The following CADPS2 variants were observed in gnomAD, a reference collection of about 807,000 sequenced individuals.
CADPS2 encodes calcium dependent secretion activator 2.
In CADPS2, 93 loss-of-function variants were observed where a neutral mutation model predicts 172.5. The ratio of observed to expected loss-of-function variants is 0.54; its 90% CI spans 0.46 to 0.64. CADPS2 has a LOEUF of 0.64. Ranked by LOEUF, CADPS2 falls within the 30% of genes least tolerant of loss-of-function variation. CADPS2 has a pLI of 0.00. For synonymous variants in CADPS2, 546 were observed against 555.2 expected, an observed-to-expected ratio of 0.98 and a Z score of 0.23; for missense variants, 1,420 against 1,565.9, an observed-to-expected ratio of 0.91 and a Z score of 1.57.
intron 15 of CADPS2, among the ~76,000 whole-genome samples, chr7:122,443,710 C>CAA (rs56137420): frequency 0.13 from 7,374 of 57,736 alleles, 700 homozygotes; most frequent in Non-Finnish European, 0.17. Flanking sequence ...CTGCTTTCTA[C>CAA]AAAAAAAAAA....
intron 27 of CADPS2, among the ~76,000 whole-genome samples, chr7:122,348,893 C>T (rs1474530214): frequency 6.6e-6 from 1 of 152,110 alleles, no homozygotes; most frequent in Non-Finnish European, 1.5e-5. Context: ...TTTCTACATA[C>T]AGTACAAATG....
At chr7:122,361,399 A>G (rs1468301855) in intron 25 of CADPS2, among the ~76,000 whole-genome samples, 1 of 151,724 alleles carries the variant, frequency 6.6e-6, no homozygotes, top group Non-Finnish European at 1.5e-5. Context: ...ACACCTGGCT[A>G]ATTTTTGTAT....
intron 8 of CADPS2, among the ~76,000 whole-genome samples, chr7:122,533,808 A>C (rs985891230): frequency 6.6e-6 from 1 of 152,174 alleles, no homozygotes; most frequent in African/African-American, 2.4e-5. Flanking sequence ...TTTGTTTTCA[A>C]GTATCTGCCT....
At chr7:122,567,676 A>G (rs2066643029) in intron 7 of CADPS2, among the ~76,000 whole-genome samples, 1 of 152,164 alleles carries the variant, frequency 6.6e-6, no homozygotes, top group African/African-American at 2.4e-5. Flanking sequence ...CATAACAATA[A>G]CTCAAATGAT....
At position 122,491,433 on chromosome 7, in the gene CADPS2, A is replaced by G. The variant is rs2058274376; in HGVS notation, c.1543-13T>C. 6.6e-7 allele frequency: 1 copy of G among 1,511,982 alleles called. No homozygotes were observed. Among genetic ancestry groups the G allele is most frequent in the African/African-American group, 1.4e-5 (1 of 71,956 alleles). 93.7% of individuals were successfully genotyped at this position (1,511,982 alleles called of 1,614,324 possible). Reference sequence around the variant, plus strand: ...TATATTGGCTAACCTGCTCGAGAAAAAAAAAGTTTACAGATTAGTCACATT... The same window carrying G: ...TATATTGGCTAACCTGCTCGAGAAAGAAAAAGTTTACAGATTAGTCACATT... On this transcript the variant is annotated splice_polypyrimidine_tract_variant and intron_variant, in intron 9 of 29. Coordinates refer to ENST00000449022, the MANE Select transcript of CADPS2 (RefSeq NM_017954.11).
intron 2 of CADPS2, among the ~76,000 whole-genome samples, chr7:122,668,032 G>C (rs1318141734): frequency 6.6e-6 from 1 of 152,088 alleles, no homozygotes; most frequent in African/African-American, 2.4e-5. Flanking sequence ...TTAGGTAATT[G>C]GTGGCAGCAC....
intron 2 of CADPS2, among the ~76,000 whole-genome samples, chr7:122,705,313 C>A (rs539488149): frequency 6.6e-4 from 100 of 150,642 alleles, no homozygotes; most frequent in African/African-American, 2.4e-3. Context: ...CCTTTTAGAT[C>A]ATTTATTCAA....
intron 1 of CADPS2, among the ~76,000 whole-genome samples, chr7:122,873,684 C>T (rs929063080): frequency 1.1e-4 from 17 of 151,920 alleles, no homozygotes; most frequent in African/African-American, 4.1e-4. Context: ...GGGTATATAC[C>T]CAATAATGAG....
chr7:122,464,923 G>T (rs2054938297), intron 14 of CADPS2, among the ~76,000 whole-genome samples: 1 of 152,132 alleles, frequency 6.6e-6, no homozygotes, highest in African/African-American at 2.4e-5. Flanking sequence ...TGATTTCTTA[G>T]TTTTGACAAA....
At chr7:122,867,818 C>G (rs750410496) in intron 1 of CADPS2, among the ~76,000 whole-genome samples, 2 of 152,152 alleles carry the variant, frequency 1.3e-5, no homozygotes, top group Non-Finnish European at 2.9e-5. Context: ...CCTCTGCCAA[C>G]AACAATGAAA....
chr7:122,605,436 A>G (rs1196183974), intron 6 of CADPS2, among the ~76,000 whole-genome samples: 1 of 152,144 alleles, frequency 6.6e-6, no homozygotes. Context: ...CTGAAACATC[A>G]TTATGCAGTG....
At chr7:122,526,012 T>C (rs1388365949) in intron 8 of CADPS2, among the ~76,000 whole-genome samples, 1 of 152,156 alleles carries the variant, frequency 6.6e-6, no homozygotes, top group Admixed American at 6.6e-5. Context: ...TGCCAGCAGT[T>C]GTTTTGATAA....
rs372049171 is a variant in CADPS2 at position 122,770,020 on chromosome 7, G to A, written c.340-32952C>T. On this transcript the variant is annotated intron_variant, in intron 1 of 29. Transcript: ENST00000449022. ...CACACAACCACCCATAAGATAGGAA[G>A]TACTAGCTCTGTTTTACAAATAGGG... Among the ~76,000 whole-genome samples the A allele has an allele frequency of 2.0e-5, 3 of 152,284 alleles. No homozygotes were observed. In the East Asian group the frequency reaches 5.8e-4, roughly 29 times the overall value.
chr7:122,400,506 T>C (rs895100661), intron 20 of CADPS2, among the ~76,000 whole-genome samples: 6 of 151,988 alleles, frequency 3.9e-5, no homozygotes, highest in African/African-American at 1.2e-4. Flanking sequence ...ATTAGAACAG[T>C]ACTGTGGAAT....
chr7:122,731,095 G>A (rs182740894), intron 2 of CADPS2, among the ~76,000 whole-genome samples: 10 of 151,366 alleles, frequency 6.6e-5, no homozygotes. Context: ...CAACAAAGCT[G>A]ATTTTAATAC....
chr7:122,435,783 G>T (rs1230546564), intron 17 of CADPS2, among the ~76,000 whole-genome samples: 1 of 152,032 alleles, frequency 6.6e-6, no homozygotes, highest in African/African-American at 2.4e-5. Flanking sequence ...ATGAATGGAT[G>T]AAGAAAATGC....
intron 25 of CADPS2, among the ~76,000 whole-genome samples, chr7:122,368,718 G>T (rs1262387508): frequency 6.6e-6 from 1 of 152,142 alleles, no homozygotes; most frequent in African/African-American, 2.4e-5. Context: ...TGTTTGAAAA[G>T]TCCCTAGTAG....
chr7:122,383,748 T>C (rs942852250), intron 24 of CADPS2, among the ~76,000 whole-genome samples: 2 of 152,100 alleles, frequency 1.3e-5, no homozygotes, highest in South Asian at 2.1e-4. Flanking sequence ...AAGACACTCA[T>C]GAAATGGCTA....
At chr7:122,391,269 G>A (rs1200004754) in intron 22 of CADPS2, among the ~76,000 whole-genome samples, 6 of 151,906 alleles carry the variant, frequency 3.9e-5, no homozygotes, top group Admixed American at 2.0e-4. Flanking sequence ...CCAGAATGGT[G>A]AAAGCACAAT....
Sources: allele counts gnomAD v4.1 joint callset (sites outside exome capture counted in the v4.1 genomes callset), GRCh38; gene constraint gnomAD v4.1.1; transcripts MANE v1.5; gene names NCBI Gene and HGNC (gene_info 2026-07-23, HGNC 2026-07-21).